The following IFT46 variants were observed in gnomAD, a reference collection of about 807,000 sequenced individuals.
The protein encoded by IFT46 is intraflagellar transport 46.
A neutral mutation model predicts 39.6 loss-of-function variants in IFT46; 19 were observed. That is an observed-to-expected ratio of 0.48 (90% CI 0.33 to 0.70). The LOEUF is 0.70. Among genes scored for constraint, IFT46 ranks in the 30% least tolerant of loss-of-function variants. IFT46 has a pLI of 0.01. For synonymous variants in IFT46, 117 were observed against 134.8 expected (o/e 0.87, Z 0.91); for missense variants, 334 against 364.8 (o/e 0.92, Z 0.69).
chr11:118,547,896 G>A (rs1199589902), intron 9 of IFT46, among the ~76,000 whole-genome samples: 1 of 151,094 alleles, frequency 6.6e-6, no homozygotes, highest in Non-Finnish European at 1.5e-5. Context: ...ATAGGCGCCC[G>A]CCACAGCGCC....
intron 9 of IFT46, 145 bp downstream of exon 9, chr11:118,551,641 T>C: frequency 1.6e-6 from 1 of 626,632 alleles, no homozygotes; most frequent in Non-Finnish European, 2.7e-6. Context: ...GCCACTGCAC[T>C]GCAGCCTGGG....
At chr11:118,561,957 G>A (rs1938070846) in intron 2 of IFT46, among the ~76,000 whole-genome samples, 1 of 152,004 alleles carries the variant, frequency 6.6e-6, no homozygotes, top group Admixed American at 6.6e-5. Context: ...TGGGCAACAC[G>A]GTGAAACCCT....
chr11:118,552,920 T>TA (rs139584869), intron 7 of IFT46, among the ~76,000 whole-genome samples: 260 of 133,540 alleles, frequency 1.9e-3, no homozygotes, highest in East Asian at 0.018. Flanking sequence ...AAATAAAAAT[T>TA]AAAAAAAAAA....
At chr11:118,575,118 G>A (rs1440038009), upstream of IFT46, among the ~76,000 whole-genome samples, 3 of 152,040 alleles carry the variant, frequency 2.0e-5, no homozygotes, top group African/African-American at 7.2e-5. Context: ...AGCTGGGACT[G>A]CAGGCGCCTG....
In IFT46 at chr11:118,544,634, C is replaced by G. The variant is rs1160781504; in HGVS notation, c.*282G>C. On this transcript the variant is annotated 3_prime_UTR_variant, in exon 12 of 12. Transcript: ENST00000264021. ...AAAAGGACATCTTTTAAGCTTTCCT[C>G]CCAATCTAACCTCCATGGGATCTCA... 1.1e-5 allele frequency: 4 copies of G among 365,548 alleles called. No homozygotes were observed. Among genetic ancestry groups the G allele is most frequent in the Non-Finnish European group, 2.0e-5 (4 of 202,014 alleles). 22.6% of individuals were successfully genotyped at this position (365,548 alleles called of 1,614,324 possible).
At chr11:118,570,566 G>A (rs1329443019), upstream of IFT46, among the ~76,000 whole-genome samples, 1 of 152,202 alleles carries the variant, frequency 6.6e-6, no homozygotes, top group Admixed American at 6.5e-5. Context: ...TAATATGGAT[G>A]AGTGCTGTTC....
At chr11:118,562,334 G>A (rs1304887777) in intron 2 of IFT46, among the ~76,000 whole-genome samples, 1 of 151,888 alleles carries the variant, frequency 6.6e-6, no homozygotes, top group Non-Finnish European at 1.5e-5. Flanking sequence ...CAGCTACCGG[G>A]GGTTCTGAAG....
At chr11:118,551,575 G>A (rs1951801712) in intron 9 of IFT46, among the ~76,000 whole-genome samples, 1 of 150,838 alleles carries the variant, frequency 6.6e-6, no homozygotes, top group African/African-American at 2.4e-5. Flanking sequence ...TGGTAAGGCT[G>A]AGGTGGGAGG....
intron 1 of IFT46, among the ~76,000 whole-genome samples, chr11:118,571,322 C>T (rs1277147261): frequency 2.0e-5 from 3 of 152,190 alleles, no homozygotes; most frequent in Admixed American, 6.6e-5. Context: ...ATATATGCCA[C>T]ATCTATTGAT....
chr11:118,558,320 G>A (rs928768353), intron 3 of IFT46, among the ~76,000 whole-genome samples: 1 of 152,206 alleles, frequency 6.6e-6, no homozygotes, highest in Non-Finnish European at 1.5e-5. Context: ...TTGTCAGCCC[G>A]GGGTGGTGGC....
upstream of IFT46, among the ~76,000 whole-genome samples, chr11:118,566,700 A>AT (rs1338024917): frequency 2.3e-4 from 35 of 151,916 alleles, no homozygotes; most frequent in Non-Finnish European, 4.3e-4. Flanking sequence ...CTCAAAAAAA[A>AT]TTTTTTTTCA....
At chr11:118,560,785 T>A in intron 2 of IFT46, 1 of 721,956 alleles carries the variant, frequency 1.4e-6, no homozygotes, top group Non-Finnish European at 2.5e-6. Context: ...GTTACTATCC[T>A]CAGAAATGCT....
intron 9 of IFT46, among the ~76,000 whole-genome samples, chr11:118,549,923 G>A (rs1222370121): frequency 6.8e-6 from 1 of 147,758 alleles, no homozygotes; most frequent in African/African-American, 2.5e-5. Context: ...ACTCCATTAT[G>A]ACTTTTTTTT....
intron 9 of IFT46, among the ~76,000 whole-genome samples, chr11:118,549,643 G>T (rs764779735): frequency 8.6e-5 from 13 of 151,260 alleles, no homozygotes; most frequent in Non-Finnish European, 1.9e-4. Context: ...TCCTGGCTCA[G>T]CCTCCCGAGT....
upstream of IFT46, among the ~76,000 whole-genome samples, chr11:118,570,054 T>TA (rs1938304994): frequency 6.8e-6 from 1 of 146,538 alleles, no homozygotes; most frequent in South Asian, 2.3e-4. Flanking sequence ...GCTTTTTTTT[T>TA]TTTTTTTTTT....
chr11:118,545,643 C>A, intron 10 of IFT46, 149 bp from the exon 11 acceptor site: 1 of 1,086,002 alleles, frequency 9.2e-7, no homozygotes, highest in Non-Finnish European at 1.4e-6. Flanking sequence ...ATAAGCCAAA[C>A]ACCACCTTTG....
upstream of IFT46, among the ~76,000 whole-genome samples, chr11:118,567,713 T>C (rs1296088445): frequency 6.6e-6 from 1 of 152,206 alleles, no homozygotes; most frequent in Non-Finnish European, 1.5e-5. Flanking sequence ...TAGTTAAAAA[T>C]AGAACTGCAT....
chr11:118,569,884 T>C (rs1767146200), upstream of IFT46, among the ~76,000 whole-genome samples: 1 of 152,076 alleles, frequency 6.6e-6, no homozygotes, highest in Admixed American at 6.6e-5. Context: ...ACTTTGTTTT[T>C]TTGTTTGTTT....
chr11:118,561,661 A>G, intron 2 of IFT46: 1 of 334,242 alleles, frequency 3.0e-6, no homozygotes, highest in Non-Finnish European at 5.6e-6. Flanking sequence ...AACCTCTTTG[A>G]GTCTCAGTAT....
Sources: allele counts gnomAD v4.1 joint callset (sites outside exome capture counted in the v4.1 genomes callset), GRCh38; gene constraint gnomAD v4.1.1; transcripts MANE v1.5; gene names NCBI Gene and HGNC (gene_info 2026-07-23, HGNC 2026-07-21).